Variants in MOGAT1 observed in about 807,000 individuals in gnomAD.
The protein encoded by MOGAT1 is 2-acylglycerol O-acyltransferase 1.
In MOGAT1, 32 loss-of-function variants were observed where a neutral mutation model predicts 31.4. That is an observed-to-expected ratio of 1.02 (90% CI 0.77 to 1.37). The LOEUF is 1.37. Among genes scored for constraint, MOGAT1 ranks in the 40% most tolerant of loss-of-function variants. The probability of loss-of-function intolerance (pLI) is 0.00; values close to 1 mark genes in which losing one functional copy is unlikely to be tolerated. For missense variants in MOGAT1, 426 were observed against 402.0 expected (o/e 1.06, Z -0.51); for synonymous variants, 145 against 144.5 (o/e 1.00, Z -0.03).
intron 5 of MOGAT1, among the ~76,000 whole-genome samples, chr2:222,700,286 A>T (rs183200343): frequency 1.3e-5 from 2 of 152,362 alleles, no homozygotes; most frequent in Non-Finnish European, 2.9e-5. Context: ...GATATCGCCC[A>T]GTTATACCTC....
intron 1 of MOGAT1, among the ~76,000 whole-genome samples, chr2:222,678,916 C>G (rs1369306385): frequency 1.3e-5 from 2 of 152,054 alleles, no homozygotes; most frequent in African/African-American, 4.8e-5. Flanking sequence ...ACTCCAGCAC[C>G]TGGGTGACAA....
intron 1 of MOGAT1, among the ~76,000 whole-genome samples, chr2:222,687,465 C>G (rs1692691380): frequency 6.6e-6 from 1 of 152,106 alleles, no homozygotes; most frequent in African/African-American, 2.4e-5. Flanking sequence ...CTCTTGTTAG[C>G]ATGTTTCTCT....
At chr2:222,708,565 T>C (rs1262931767) in intron 5 of MOGAT1, among the ~76,000 whole-genome samples, 1 of 152,242 alleles carries the variant, frequency 6.6e-6, no homozygotes, top group East Asian at 1.9e-4. Context: ...TTAATTAGTG[T>C]ATTTGGAAAA....
chr2:222,701,238 T>C (rs1043529739), intron 5 of MOGAT1, among the ~76,000 whole-genome samples: 1 of 143,788 alleles, frequency 7.0e-6, no homozygotes, highest in Non-Finnish European at 1.5e-5. Context: ...CCAGCCTGGG[T>C]GACAGAGTGA....
chr2:222,686,293 T>C lies in MOGAT1; in HGVS notation c.95-2051T>C, dbSNP rs573619143. ...CTCAAATTCCCTGAGCCTCAGTTTC[T>C]ACAACTGTAAAATGGGGCAATAACG... is the stretch of plus-strand genomic sequence containing the variant. On this transcript the variant is annotated intron_variant, in intron 1 of 5. Coordinates refer to ENST00000446656, the MANE Select transcript of MOGAT1 (RefSeq NM_058165.3). 6.6e-5 allele frequency among the ~76,000 whole-genome samples: 10 copies of C among 152,324 alleles called. No homozygotes were observed. In the South Asian group the frequency reaches 1.2e-3, roughly 19 times the overall value.
chr2:222,680,155 A>C (rs1301270461), intron 1 of MOGAT1, among the ~76,000 whole-genome samples: 1 of 152,186 alleles, frequency 6.6e-6, no homozygotes, highest in Non-Finnish European at 1.5e-5. Context: ...TAGTTCCTTC[A>C]ATCTGGAAAA....
At chr2:222,701,943 G>A (rs1232127592) in intron 5 of MOGAT1, among the ~76,000 whole-genome samples, 3 of 152,160 alleles carry the variant, frequency 2.0e-5, no homozygotes, top group Admixed American at 6.5e-5. Flanking sequence ...AAATTATTCT[G>A]TCTTCTCACA....
chr2:222,704,909 C>T (rs988838910), intron 5 of MOGAT1, among the ~76,000 whole-genome samples: 9 of 151,950 alleles, frequency 5.9e-5, no homozygotes, highest in Admixed American at 5.2e-4. Context: ...GAGAGGGGTC[C>T]GGATTCATAC....
At chr2:222,704,473 A>C (rs1559234802) in intron 5 of MOGAT1, among the ~76,000 whole-genome samples, 1 of 151,820 alleles carries the variant, frequency 6.6e-6, no homozygotes, top group Non-Finnish European at 1.5e-5. Flanking sequence ...AAATACAAAA[A>C]ATTAGCCGGG....
At position 222,695,198 on chromosome 2, in the gene MOGAT1, A is replaced by G. The variant is rs375796708; in HGVS notation, c.763A>G (p.Met255Val). ...RTVQNKLQKI[M>V]GFALPLFHAR... ...TGTTCAGAATAAACTGCAGAAGATC[A>G]TGGGGTTTGCTTTGCCCCTGTTTCA... Residue 255 changes from methionine (M) to valine (V), a missense_variant, in exon 5 of 6, where the codon ATG (methionine) becomes GTG (valine). Met to Val is a conservative substitution (Grantham distance 21). Coordinates refer to ENST00000446656, the MANE Select transcript of MOGAT1 (RefSeq NM_058165.3). 1.2e-6 allele frequency: 2 copies of G among 1,613,790 alleles called. No homozygotes were observed. Among genetic ancestry groups the G allele is most frequent in the Non-Finnish European group, 1.7e-6 (2 of 1,179,786 alleles).
chr2:222,676,090 C>A (rs1031698727), intron 1 of MOGAT1, among the ~76,000 whole-genome samples: 2 of 151,528 alleles, frequency 1.3e-5, no homozygotes, highest in Admixed American at 6.6e-5. Flanking sequence ...GTAATAAAAT[C>A]AAACAGTAAG....
intron 1 of MOGAT1, among the ~76,000 whole-genome samples, chr2:222,678,600 T>C (rs956649644): frequency 1.3e-5 from 2 of 152,212 alleles, no homozygotes; most frequent in African/African-American, 2.4e-5. Flanking sequence ...AAGTTAATTG[T>C]ATCCATTTTT....
chr2:222,683,046 C>A (rs1255195903), intron 1 of MOGAT1, among the ~76,000 whole-genome samples: 2 of 151,910 alleles, frequency 1.3e-5, no homozygotes, highest in East Asian at 3.9e-4. Context: ...TTTACAAAAA[C>A]TACAAAAATT....
At chr2:222,691,327 C>T (rs1023952248) in intron 3 of MOGAT1, among the ~76,000 whole-genome samples, 1 of 152,084 alleles carries the variant, frequency 6.6e-6, no homozygotes, top group Non-Finnish European at 1.5e-5. Flanking sequence ...CCTGCCTCAG[C>T]CTCCCAAGCA....
chr2:222,679,135 G>A (rs758159300), intron 1 of MOGAT1, among the ~76,000 whole-genome samples: 9 of 151,966 alleles, frequency 5.9e-5, no homozygotes, highest in Non-Finnish European at 8.8e-5. Context: ...CTCTTTTTTG[G>A]TAGATCACTA....
chr2:222,693,731 C>T (rs1171121107), intron 3 of MOGAT1, among the ~76,000 whole-genome samples: 1 of 151,982 alleles, frequency 6.6e-6, no homozygotes, highest in Non-Finnish European at 1.5e-5. Context: ...AAAGACCTGC[C>T]CCCACGAGTC....
At chr2:222,707,272 AAAG>A (rs1292005258) in intron 5 of MOGAT1, among the ~76,000 whole-genome samples, 3 of 150,546 alleles carry the variant, frequency 2.0e-5, no homozygotes, top group Non-Finnish European at 3.0e-5. Context: ...AGAGAGAGAG[AAAG>A]AAGGAGGGAA....
At chr2:222,703,765 T>G (rs1047265974) in intron 5 of MOGAT1, among the ~76,000 whole-genome samples, 1 of 152,190 alleles carries the variant, frequency 6.6e-6, no homozygotes, top group Non-Finnish European at 1.5e-5. Flanking sequence ...GAGCAATTCC[T>G]GCATGAGACT....
chr2:222,699,183 T>C (rs988256310), intron 5 of MOGAT1: 2 of 152,220 alleles, frequency 1.3e-5, no homozygotes, highest in African/African-American at 4.8e-5. Context: ...TTTGTATTTT[T>C]AGTACAGACG....
Sources: allele counts gnomAD v4.1 joint callset (sites outside exome capture counted in the v4.1 genomes callset), GRCh38; gene constraint gnomAD v4.1.1; transcripts MANE v1.5; gene names NCBI Gene and HGNC (gene_info 2026-07-23, HGNC 2026-07-21).